IMPA2: variants seen among roughly 807,000 people sequenced by gnomAD.
IMPA2 encodes inositol monophosphatase 2.
Under a neutral mutation model 35.1 loss-of-function variants are expected in IMPA2, and 32 were observed. The observed-to-expected ratio is 0.91, with a 90% CI of 0.69 to 1.23. The LOEUF is 1.23. Among genes scored for constraint, IMPA2 ranks in the 50% most tolerant of loss-of-function variants. IMPA2 has a pLI of 0.00. For synonymous variants in IMPA2, 135 were observed against 160.6 expected, an observed-to-expected ratio of 0.84 and a Z score of 1.20; for missense variants, 334 against 387.6, an observed-to-expected ratio of 0.86 and a Z score of 1.16.
At chr18:11,989,836 T>C (rs1265846851) in intron 1 of IMPA2, among the ~76,000 whole-genome samples, 1 of 152,094 alleles carries the variant, frequency 6.6e-6, no homozygotes, top group African/African-American at 2.4e-5. Context: ...CAGGGGAGAT[T>C]ACTGTCTTTG....
At chr18:12,008,768 C>T (rs1416651066) in intron 2 of IMPA2, among the ~76,000 whole-genome samples, 1 of 152,132 alleles carries the variant, frequency 6.6e-6, no homozygotes, top group Non-Finnish European at 1.5e-5. Flanking sequence ...GTAGAGAAAA[C>T]CAGGAGTTCC....
chr18:11,997,293 T>C lies in IMPA2; in HGVS notation c.97-1761T>C, dbSNP rs538094752. On this transcript the variant is annotated intron_variant, in intron 1 of 7. Transcript: ENST00000269159. The stretch of plus-strand genomic sequence containing the variant: ...TGTGCAAATTGGTGATTTGAGAAAA[T>C]TGACCTGGTGGCAATGAGCAGGAAC... 2.4e-4 allele frequency among the ~76,000 whole-genome samples: 36 copies of C among 152,102 alleles called. No individual in the cohort carries two copies. In the East Asian group the frequency reaches 4.6e-3, roughly 20 times the overall value.
chr18:12,002,495 G>A (rs1170599182), intron 2 of IMPA2, among the ~76,000 whole-genome samples: 1 of 152,100 alleles, frequency 6.6e-6, no homozygotes, highest in Non-Finnish European at 1.5e-5. Context: ...TCCTTCTGGT[G>A]GGGTGCAGTG....
Position 12,030,491 on chromosome 18 carries a change from C to T in IMPA2, c.*33C>T. The T allele has an allele frequency of 6.3e-7, 1 of 1,575,548 alleles. No individual in the cohort carries two copies. The highest frequency in any genetic ancestry group is 8.7e-7 in the Non-Finnish European group (1 of 1,145,158). On this transcript the variant is annotated 3_prime_UTR_variant, in exon 8 of 8. Coordinates refer to ENST00000269159, the MANE Select transcript of IMPA2 (RefSeq NM_014214.3). Reference sequence around the variant, plus strand: ...TGAGGCAAAGCTGCTCCCAAGGCCTCCCTGGGCTGCTGTGGGCTCCTGGGG... The same window carrying T: ...TGAGGCAAAGCTGCTCCCAAGGCCTTCCTGGGCTGCTGTGGGCTCCTGGGG...
At chr18:12,007,674 TCTTTCCTTTCTTTC>T (rs1907311592) in intron 2 of IMPA2, among the ~76,000 whole-genome samples, 2 of 138,582 alleles carry the variant, frequency 1.4e-5, no homozygotes, top group Non-Finnish European at 3.1e-5. Flanking sequence ...TTTCTTTCTT[TCTTTCCTTTCTTTC>T]CTTTCTTTCC....
At chr18:11,983,622 A>G (rs1202240661) in intron 1 of IMPA2, among the ~76,000 whole-genome samples, 1 of 152,188 alleles carries the variant, frequency 6.6e-6, no homozygotes, top group African/African-American at 2.4e-5. Flanking sequence ...GCCAGCAACA[A>G]AAAAAGCTTT....
At chr18:12,001,086 G>A (rs1013385186) in intron 2 of IMPA2, among the ~76,000 whole-genome samples, 3 of 151,682 alleles carry the variant, frequency 2.0e-5, no homozygotes, top group Non-Finnish European at 4.4e-5. Flanking sequence ...AACATTAGCC[G>A]GGTGTGGTGG....
intron 6 of IMPA2, 24 bp downstream of exon 6, chr18:12,028,175 A>G: frequency 6.9e-7 from 1 of 1,449,276 alleles, no homozygotes; most frequent in Non-Finnish European, 9.7e-7. Context: ...TTCGGGGAAC[A>G]CCCTGCAGCC....
chr18:11,989,037 T>C (rs565303768), intron 1 of IMPA2, among the ~76,000 whole-genome samples: 2 of 152,210 alleles, frequency 1.3e-5, no homozygotes, highest in Admixed American at 1.3e-4. Context: ...TAAGTGGAGA[T>C]GTTGGATTTG....
chr18:12,015,115 G>C (rs1362147453), intron 5 of IMPA2, among the ~76,000 whole-genome samples: 3 of 152,212 alleles, frequency 2.0e-5, no homozygotes, highest in Non-Finnish European at 4.4e-5. Context: ...ACTAGCAGCA[G>C]CTGCATGGGA....
In IMPA2 at chr18:12,000,991, GGAGGCT is replaced by G. The variant is rs1907101133; in HGVS notation, c.230+1810_230+1815del. ...TCACACCTGTAATCCCAGCACTTTG[GGAGGCT>G]GAGGCGGGCGGATCACGAGTGAGGA... On this transcript the variant is annotated intron_variant, in intron 2 of 7. Transcript: ENST00000269159. Among the ~76,000 whole-genome samples, 10 of 151,772 alleles carry G rather than the reference GGAGGCT, an allele frequency of 6.6e-5. No homozygotes were observed. The South Asian group carries it at 2.1e-3, about 32-fold the overall frequency.
chr18:12,016,899 C>G (rs548520084), intron 5 of IMPA2, among the ~76,000 whole-genome samples: 6 of 152,300 alleles, frequency 3.9e-5, no homozygotes, highest in Admixed American at 1.3e-4. Flanking sequence ...AAATGAGAAC[C>G]ATTATCAAAG....
intron 5 of IMPA2, among the ~76,000 whole-genome samples, chr18:12,026,629 C>T (rs1448049120): frequency 6.6e-6 from 1 of 152,146 alleles, no homozygotes; most frequent in African/African-American, 2.4e-5. Flanking sequence ...CTTCCCCACC[C>T]CCACCCCGGA....
In IMPA2 at chr18:11,991,846, A is replaced by ATTTTT. The variant is rs11390149; in HGVS notation, c.97-7197_97-7193dup. The stretch of plus-strand genomic sequence containing the variant: ...TGCCCTCGCAGAAACACCCAGAACA[A>ATTTTT]TTTTTTTTTTTTTTTGAGATGGAGC... On this transcript the variant is annotated intron_variant, in intron 1 of 7. Coordinates refer to ENST00000269159, the MANE Select transcript of IMPA2 (RefSeq NM_014214.3). The surrounding 1 kb of genome is among the most constrained non-coding windows in gnomAD (Gnocchi z 4.1). Among the ~76,000 whole-genome samples, 1 of 144,112 alleles carries ATTTTT rather than the reference A, an allele frequency of 6.9e-6. No individual in the cohort carries two copies. Among genetic ancestry groups the ATTTTT allele is most frequent in the Non-Finnish European group, 1.5e-5 (1 of 65,758 alleles). The allele number at this position is 144,112 out of a possible 152,430, so 94.5% of individuals were successfully genotyped here. A position where few individuals can be genotyped will look rare whatever the true frequency, so the allele number is the denominator to read the frequency against.
chr18:12,022,290 G>C (rs1423131045), intron 5 of IMPA2, among the ~76,000 whole-genome samples: 6 of 151,902 alleles, frequency 3.9e-5, no homozygotes, highest in Middle Eastern at 3.4e-3. Flanking sequence ...CTAGCACTTT[G>C]GGAGGCCGAG....
chr18:11,991,366 A>G lies in IMPA2; in HGVS notation c.97-7688A>G, dbSNP rs1413472659. On this transcript the variant is annotated intron_variant, in intron 1 of 7. Transcript: ENST00000269159. This position sits in a 1 kb window ranked among gnomAD's most constrained non-coding sequence, Gnocchi z 4.1. ...AGAGCCTGAGGTGGGCTGGCCTGGG[A>G]GCCACGTCTGCTTGGACCAGCTCCT... 6.6e-6 allele frequency among the ~76,000 whole-genome samples: 1 copy of G among 151,900 alleles called. No individual in the cohort carries two copies. Among genetic ancestry groups the G allele is most frequent in the Non-Finnish European group, 1.5e-5 (1 of 67,974 alleles).
intron 1 of IMPA2, among the ~76,000 whole-genome samples, chr18:11,984,981 A>C (rs1167334529): frequency 1.4e-5 from 2 of 146,214 alleles, no homozygotes; most frequent in African/African-American, 5.1e-5. Flanking sequence ...AAAAAAAAAA[A>C]AAAACAACAA....
intron 5 of IMPA2, among the ~76,000 whole-genome samples, chr18:12,022,591 G>A (rs1283562758): frequency 6.9e-6 from 1 of 144,674 alleles, no homozygotes; most frequent in Non-Finnish European, 1.5e-5. Flanking sequence ...CCTAAGATAT[G>A]GTAAATATAG....
At chr18:12,014,188 C>A in intron 4 of IMPA2, 77 bp from the exon 5 acceptor site, 1 of 1,025,984 alleles carries the variant, frequency 9.7e-7, no homozygotes, top group Non-Finnish European at 1.5e-6. Flanking sequence ...CAGCCTTCAT[C>A]TTTGAATAAC....
Sources: allele counts gnomAD v4.1 joint callset (sites outside exome capture counted in the v4.1 genomes callset), GRCh38; gene constraint gnomAD v4.1.1; non-coding constraint Gnocchi (gnomAD v3.1); transcripts MANE v1.5; gene names NCBI Gene and HGNC (gene_info 2026-07-23, HGNC 2026-07-21).